Variants in ROBO2 observed in about 807,000 individuals in gnomAD.
ROBO2 encodes roundabout homolog 2.
Under a neutral mutation model 160.8 loss-of-function variants are expected in ROBO2, and 53 were observed. The observed-to-expected ratio is 0.33, with a 90% CI of 0.26 to 0.41. The LOEUF (loss-of-function observed/expected upper bound fraction) is 0.41, where lower values mean the gene tolerates loss of function less well. ROBO2 is among the 10% of genes least tolerant of loss of function. The pLI, the probability that ROBO2 is intolerant of heterozygous loss-of-function variation, is 1.00. For synonymous variants in ROBO2, 664 were observed against 611.7 expected (o/e 1.09, Z -1.26); for missense variants, 1,577 against 1,722.4 (o/e 0.92, Z 1.49).
In ROBO2 at chr3:77,477,870, C is replaced by T. The variant is rs2084217349; in HGVS notation, c.546+299C>T. On this transcript the variant is annotated intron_variant, in intron 3 of 25. Transcript: ENST00000461745. ...TTTTTTTTTGAGACAGAGTCTTGCT[C>T]TGTCACCCAGGCTGGAGTGCGATCC... Among the ~76,000 whole-genome samples the T allele has an allele frequency of 1.1e-4, 12 of 114,258 alleles. No individual in the cohort carries two copies. In the South Asian group the frequency reaches 3.4e-3, roughly 33 times the overall value. The allele number at this position is 114,258 out of a possible 152,430, so 75.0% of individuals were successfully genotyped here.
At chr3:77,070,747 C>T (rs1040633932) in intron 1 of ROBO2, among the ~76,000 whole-genome samples, 2 of 152,076 alleles carry the variant, frequency 1.3e-5, no homozygotes, top group African/African-American at 4.8e-5. Flanking sequence ...AAGAAAATTT[C>T]TTGGCAGGTT....
At chr3:77,641,845 AAG>A in intron 24 of ROBO2, among the ~76,000 whole-genome samples, 1 of 152,262 alleles carries the variant, frequency 6.6e-6, no homozygotes, top group Non-Finnish European at 1.5e-5. Flanking sequence ...GAGTTAATAA[AAG>A]AGAGATGAAA....
At chr3:76,633,932 G>A (rs1256830508) in intron 2 of ROBO2, among the ~76,000 whole-genome samples, 1 of 152,128 alleles carries the variant, frequency 6.6e-6, no homozygotes, top group African/African-American at 2.4e-5. Flanking sequence ...CTCATCACTG[G>A]TTGCCTACAA....
At chr3:77,635,173 T>C in intron 24 of ROBO2, 130 bp downstream of exon 25, 1 of 916,422 alleles carries the variant, frequency 1.1e-6, no homozygotes, top group Non-Finnish European at 1.7e-6. Context: ...AACCTGGCAA[T>C]ATGGCCTTGT....
chr3:76,412,314 C>A (rs987344455), intron 2 of ROBO2, among the ~76,000 whole-genome samples: 4 of 152,184 alleles, frequency 2.6e-5, no homozygotes, highest in Non-Finnish European at 5.9e-5. Context: ...GGAAACACAG[C>A]CAAACCATAT....
chr3:77,461,205 A>T (rs1023192173), intron 2 of ROBO2, among the ~76,000 whole-genome samples: 1 of 152,152 alleles, frequency 6.6e-6, no homozygotes, highest in Non-Finnish European at 1.5e-5. Context: ...TGAACTTTTT[A>T]TTATGCAAAT....
chr3:77,549,796 A>C (rs2092844269), intron 7 of ROBO2, among the ~76,000 whole-genome samples: 2 of 151,972 alleles, frequency 1.3e-5, no homozygotes, highest in African/African-American at 4.8e-5. Flanking sequence ...CTGGGCCTTT[A>C]ATTGAATGTT....
At chr3:77,556,682 G>T (rs1258400339) in intron 8 of ROBO2, among the ~76,000 whole-genome samples, 1 of 151,868 alleles carries the variant, frequency 6.6e-6, no homozygotes, top group Non-Finnish European at 1.5e-5. Flanking sequence ...GTTTTCAATT[G>T]TATACATTGC....
At chr3:76,667,641 G>T (rs2092100977) in intron 2 of ROBO2, among the ~76,000 whole-genome samples, 1 of 144,468 alleles carries the variant, frequency 6.9e-6, no homozygotes. Context: ...GAGTAATCAG[G>T]CGTACTGTTT....
chr3:76,237,948 A>G (rs1705046400), intron 2 of ROBO2, among the ~76,000 whole-genome samples: 1 of 152,146 alleles, frequency 6.6e-6, no homozygotes, highest in African/African-American at 2.4e-5. Flanking sequence ...GCCTTTGTGT[A>G]GCTGGTGGGG....
chr3:76,568,360 C>A (rs2084733588), intron 2 of ROBO2, among the ~76,000 whole-genome samples: 1 of 151,896 alleles, frequency 6.6e-6, no homozygotes, highest in African/African-American at 2.4e-5. Context: ...TGCAGTGGTG[C>A]GATCTCGGCT....
chr3:77,142,549 G>T (rs777661832), intron 2 of ROBO2, among the ~76,000 whole-genome samples: 2 of 152,146 alleles, frequency 1.3e-5, no homozygotes, highest in Non-Finnish European at 2.9e-5. Flanking sequence ...TTGTAAATCT[G>T]TCTTCTTTGC....
At chr3:76,331,270 TTAAAA>T (rs1163339797) in intron 2 of ROBO2, among the ~76,000 whole-genome samples, 1 of 152,158 alleles carries the variant, frequency 6.6e-6, no homozygotes, top group Non-Finnish European at 1.5e-5. Flanking sequence ...GGCAAAATCA[TTAAAA>T]TAAAGGGCAA....
rs28496500 is a variant in ROBO2, at chr3:75,997,271, A to G, written c.109+59669A>G. Reference sequence around the variant, plus strand: ...TGTTGGTACAGTTCGAAAATATCAAATGATATCAAATCAGCAATATTGAGC... The same window carrying G: ...TGTTGGTACAGTTCGAAAATATCAAGTGATATCAAATCAGCAATATTGAGC... On this transcript the variant is annotated intron_variant, in intron 2 of 26. Transcript: ENST00000487694. Among the ~76,000 whole-genome samples, 1,079 of 152,310 alleles carry G rather than the reference A, an allele frequency of 7.1e-3. 12 individuals are homozygous for G. Among genetic ancestry groups the G allele is most frequent in the African/African-American group, 0.025 (1,037 of 41,570 alleles).
intron 2 of ROBO2, among the ~76,000 whole-genome samples, chr3:76,156,270 G>T (rs1339506464): frequency 2.0e-5 from 3 of 151,946 alleles, no homozygotes; most frequent in Non-Finnish European, 1.5e-5. Flanking sequence ...AAAGTAAGAG[G>T]AAGATTTCTT....
intron 2 of ROBO2, among the ~76,000 whole-genome samples, chr3:76,735,309 C>T (rs1034026012): frequency 6.6e-6 from 1 of 151,966 alleles, no homozygotes; most frequent in African/African-American, 2.4e-5. Flanking sequence ...AGCTGTAGGC[C>T]GTAATCTTAA....
intron 2 of ROBO2, among the ~76,000 whole-genome samples, chr3:76,550,549 C>G (rs913306239): frequency 6.6e-6 from 1 of 152,210 alleles, no homozygotes; most frequent in African/African-American, 2.4e-5. Flanking sequence ...AGCCCTGCCC[C>G]CTTCCAAGTT....
intron 9 of ROBO2, among the ~76,000 whole-genome samples, chr3:77,558,478 C>T (rs1330866320): frequency 4.6e-5 from 7 of 151,960 alleles, no homozygotes; most frequent in African/African-American, 1.7e-4. Context: ...ACAACAAATG[C>T]TTCTGATTTA....
At chr3:77,302,429 G>C (rs529167529) in intron 2 of ROBO2, among the ~76,000 whole-genome samples, 6 of 152,164 alleles carry the variant, frequency 3.9e-5, no homozygotes, top group African/African-American at 1.4e-4. Context: ...GTCTTCCACA[G>C]GCTTACTTTC....
Sources: gnomAD v4.1 joint callset for allele counts (sites outside exome capture counted in the v4.1 genomes callset) on GRCh38, gnomAD v4.1.1 for gene constraint, MANE v1.5 for transcripts, NCBI Gene and HGNC (gene_info 2026-07-23, HGNC 2026-07-21) for gene names.